KCND2: variants seen among roughly 807,000 people sequenced by gnomAD.
The protein encoded by KCND2 is A-type voltage-gated potassium channel KCND2.
Under a neutral mutation model 54.4 loss-of-function variants are expected in KCND2, and 16 were observed. That is an observed-to-expected ratio of 0.29 (90% CI 0.20 to 0.45). KCND2 has a LOEUF of 0.45. KCND2 is among the 20% of genes least tolerant of loss of function. KCND2 has a pLI of 1.00. For missense variants in KCND2, 486 were observed against 824.2 expected, an observed-to-expected ratio of 0.59 and a Z score of 5.02; for synonymous variants, 317 against 310.7, an observed-to-expected ratio of 1.02 and a Z score of -0.21.
intron 1 of KCND2, among the ~76,000 whole-genome samples, chr7:120,327,046 T>C (rs1218547871): frequency 6.6e-6 from 1 of 152,144 alleles, no homozygotes; most frequent in Non-Finnish European, 1.5e-5. Flanking sequence ...ATGTTACTTT[T>C]TGTTGACAAT....
intron 1 of KCND2, among the ~76,000 whole-genome samples, chr7:120,530,341 G>A (rs1277200213): frequency 6.6e-6 from 1 of 151,974 alleles, no homozygotes; most frequent in African/African-American, 2.4e-5. Flanking sequence ...AGAAAGATGA[G>A]GACTAAATCC....
chr7:120,525,643 T>G (rs1488893872), intron 1 of KCND2, among the ~76,000 whole-genome samples: 1 of 152,144 alleles, frequency 6.6e-6, no homozygotes, highest in Admixed American at 6.6e-5. Flanking sequence ...TCTCTATCCT[T>G]CATATAATTC....
intron 1 of KCND2, among the ~76,000 whole-genome samples, chr7:120,697,217 G>T (rs1792342990): frequency 6.6e-6 from 1 of 152,124 alleles, no homozygotes; most frequent in East Asian, 1.9e-4. Flanking sequence ...GAAATCAGAG[G>T]ATAACTTTTT....
chr7:120,688,192 T>C (rs1026270005), intron 1 of KCND2, among the ~76,000 whole-genome samples: 1 of 152,198 alleles, frequency 6.6e-6, no homozygotes, highest in African/African-American at 2.4e-5. Flanking sequence ...CAAAGGGTTA[T>C]GTAAATTATA....
At chr7:120,539,587 C>T (rs570235193) in intron 1 of KCND2, among the ~76,000 whole-genome samples, 1 of 152,092 alleles carries the variant, frequency 6.6e-6, no homozygotes, top group African/African-American at 2.4e-5. Flanking sequence ...AAACTGGAAC[C>T]CATTAATGGA....
At chr7:120,307,544 G>C (rs1799666201) in intron 1 of KCND2, among the ~76,000 whole-genome samples, 1 of 152,072 alleles carries the variant, frequency 6.6e-6, no homozygotes, top group African/African-American at 2.4e-5. Context: ...AGAACTGGAA[G>C]TTCCATATCC....
rs116195353 is a variant in KCND2 at position 120,592,208 on chromosome 7, T to A, written c.1116-140695T>A. ...CTGACAAAACACCATCCTGCAATAG[T>A]AGAGACATGTTTTGTTTGTTTGTTT... is the stretch of plus-strand genomic sequence containing the variant. On this transcript the variant is annotated intron_variant, in intron 1 of 5. Transcript: ENST00000331113. Among the ~76,000 whole-genome samples the A allele has an allele frequency of 6.3e-3, 960 of 152,250 alleles. 6 individuals carry two copies. Among genetic ancestry groups the A allele is most frequent in the African/African-American group, 0.021 (883 of 41,532 alleles).
chr7:120,351,823 T>C (rs1289839731), intron 1 of KCND2, among the ~76,000 whole-genome samples: 1 of 152,016 alleles, frequency 6.6e-6, no homozygotes, highest in Non-Finnish European at 1.5e-5. Context: ...TCTTTTTTTT[T>C]CTTTTTGAGA....
chr7:120,593,849 C>T (rs1291886591), intron 1 of KCND2, among the ~76,000 whole-genome samples: 1 of 152,050 alleles, frequency 6.6e-6, no homozygotes, highest in East Asian at 1.9e-4. Context: ...CCAATTATCC[C>T]TCAAGGATAG....
intron 1 of KCND2, among the ~76,000 whole-genome samples, chr7:120,309,470 TATATACACACACACACAC>T (rs1277620277): frequency 8.0e-6 from 1 of 124,260 alleles, no homozygotes; most frequent in Non-Finnish European, 1.7e-5. Context: ...TATATATATA[TATATACACACACACACAC>T]ACACACACAC....
At chr7:120,313,646 T>C (rs1355544265) in intron 1 of KCND2, among the ~76,000 whole-genome samples, 1 of 152,120 alleles carries the variant, frequency 6.6e-6, no homozygotes, top group African/African-American at 2.4e-5. Flanking sequence ...GCTGCCTTGT[T>C]GGTAGTTTCC....
At chr7:120,544,928 A>T (rs1792025469) in intron 1 of KCND2, among the ~76,000 whole-genome samples, 1 of 151,858 alleles carries the variant, frequency 6.6e-6, no homozygotes. Flanking sequence ...AAATAAGTGC[A>T]AGTCTGATTA....
chr7:120,428,412 G>A (rs926255092), intron 1 of KCND2, among the ~76,000 whole-genome samples: 12 of 152,164 alleles, frequency 7.9e-5, no homozygotes, highest in Non-Finnish European at 2.9e-5. Flanking sequence ...ATAGCATTAG[G>A]GACCAGAGTA....
intron 1 of KCND2, among the ~76,000 whole-genome samples, chr7:120,699,844 G>C (rs956416208): frequency 6.6e-6 from 1 of 152,150 alleles, no homozygotes; most frequent in African/African-American, 2.4e-5. Context: ...TCAGGTAATA[G>C]AATGTACAAT....
chr7:120,539,974 C>T (rs1253484018), intron 1 of KCND2, among the ~76,000 whole-genome samples: 4 of 152,064 alleles, frequency 2.6e-5, no homozygotes, highest in South Asian at 2.1e-4. Context: ...GTGCCAGAGA[C>T]GAAGAGGGCT....
At chr7:120,665,560 A>C (rs1356097723) in intron 1 of KCND2, among the ~76,000 whole-genome samples, 2 of 152,050 alleles carry the variant, frequency 1.3e-5, no homozygotes, top group Non-Finnish European at 2.9e-5. Context: ...TCAGGGTATG[A>C]AGGCAGGGTG....
chr7:120,294,132 A>G (rs1295782676), intron 1 of KCND2, among the ~76,000 whole-genome samples: 1 of 152,032 alleles, frequency 6.6e-6, no homozygotes, highest in Admixed American at 6.6e-5. Context: ...AGGTGGGTAG[A>G]TCATGGAGGC....
chr7:120,514,709 G>C (rs1168082630), intron 1 of KCND2, among the ~76,000 whole-genome samples: 1 of 151,972 alleles, frequency 6.6e-6, no homozygotes, highest in Non-Finnish European at 1.5e-5. Context: ...GACAGGAGCT[G>C]GTGGGGAATG....
chr7:120,442,720 G>A (rs1801961555), intron 1 of KCND2, among the ~76,000 whole-genome samples: 1 of 151,996 alleles, frequency 6.6e-6, no homozygotes, highest in African/African-American at 2.4e-5. Context: ...TTGTGATTAG[G>A]TCCAACAGCA....
Sources: allele counts gnomAD v4.1 joint callset (sites outside exome capture counted in the v4.1 genomes callset), GRCh38; gene constraint gnomAD v4.1.1; transcripts MANE v1.5; gene names NCBI Gene and HGNC (gene_info 2026-07-23, HGNC 2026-07-21).